The following FIP1L1 variants were observed in gnomAD, a reference collection of about 807,000 sequenced individuals.
FIP1L1 encodes factor interacting with PAPOLA and CPSF1, also known as pre-mRNA 3'-end-processing factor FIP1.
Under a neutral mutation model 84.6 loss-of-function variants are expected in FIP1L1, and 21 were observed. That is an observed-to-expected ratio of 0.25 (90% CI 0.18 to 0.36). FIP1L1 has a LOEUF of 0.36. FIP1L1 is among the 10% of genes least tolerant of loss of function. The probability of loss-of-function intolerance (pLI) is 1.00; values close to 1 mark genes in which losing one functional copy is unlikely to be tolerated. For synonymous variants in FIP1L1, 263 were observed against 242.3 expected (o/e 1.09, Z -0.80); for missense variants, 526 against 751.1 (o/e 0.70, Z 3.50).
chr4:53,460,858 T>C lies in FIP1L1; in HGVS notation c.*1409T>C. On this transcript the variant is annotated 3_prime_UTR_variant, in exon 18 of 18. Transcript: ENST00000337488. Reference sequence around the variant, plus strand: ...ACAAGATAAATATAGTGTTTCAACTTCTTAGCCTATTTGTGATTTTTCTGT... The same window carrying C: ...ACAAGATAAATATAGTGTTTCAACTCCTTAGCCTATTTGTGATTTTTCTGT... The C allele has an allele frequency of 6.5e-7, 1 of 1,527,490 alleles. No individual in the cohort carries two copies. Among genetic ancestry groups the C allele is most frequent in the East Asian group, 2.3e-5 (1 of 43,596 alleles). 94.6% of individuals were successfully genotyped at this position (1,527,490 alleles called of 1,614,324 possible).
chr4:53,408,325 C>T (rs1754981036), intron 10 of FIP1L1, among the ~76,000 whole-genome samples: 1 of 152,182 alleles, frequency 6.6e-6, no homozygotes. Flanking sequence ...TATTGGCCCC[C>T]ACTCTCTTCT....
At chr4:53,399,545 ACT>A (rs2149485292) in intron 9 of FIP1L1, among the ~76,000 whole-genome samples, 183 bp from the exon 10 acceptor site, 1 of 152,222 alleles carries the variant, frequency 6.6e-6, no homozygotes, top group African/African-American at 2.4e-5. Context: ...TTGATCCCAT[ACT>A]CTCTTTGGTG....
chr4:53,384,696 G>A (rs1243252997), intron 5 of FIP1L1, among the ~76,000 whole-genome samples: 5 of 152,124 alleles, frequency 3.3e-5, no homozygotes, highest in South Asian at 2.1e-4. Context: ...CTCATTGAGC[G>A]CATAAAGAAT....
chr4:53,384,438 A>T (rs1739813289), intron 5 of FIP1L1, among the ~76,000 whole-genome samples: 2 of 152,160 alleles, frequency 1.3e-5, no homozygotes, highest in Non-Finnish European at 2.9e-5. Flanking sequence ...AGTACTATAA[A>T]TTCTTTGATT....
chr4:53,379,018 A>G (rs1736315891), intron 1 of FIP1L1, 55 bp from the exon 2 acceptor site: 2 of 1,549,136 alleles, frequency 1.3e-6, no homozygotes, highest in African/African-American at 1.4e-5. Context: ...TTTTCCATAA[A>G]ATAAGTATCT....
At chr4:53,414,018 G>A (rs1303551569) in intron 10 of FIP1L1, among the ~76,000 whole-genome samples, 1 of 152,012 alleles carries the variant, frequency 6.6e-6, no homozygotes, top group Non-Finnish European at 1.5e-5. Context: ...CATCTTATTA[G>A]TTCTGTAAAG....
chr4:53,437,187 G>A (rs771660397), intron 13 of FIP1L1, among the ~76,000 whole-genome samples: 17 of 151,974 alleles, frequency 1.1e-4, no homozygotes, highest in Middle Eastern at 3.4e-3. Flanking sequence ...AATTAGCTGA[G>A]CATGGTGGTA....
intron 9 of FIP1L1, among the ~76,000 whole-genome samples, chr4:53,397,938 T>C (rs10022429): frequency 0.096 from 14,585 of 152,244 alleles, 1,227 homozygotes; most frequent in South Asian, 0.28. Flanking sequence ...AGAAGTTACA[T>C]AGAAATTACT....
At chr4:53,437,223 G>A (rs866094976) in intron 13 of FIP1L1, among the ~76,000 whole-genome samples, 14 of 150,752 alleles carry the variant, frequency 9.3e-5, no homozygotes, top group Middle Eastern at 3.4e-3. Context: ...AGCTACTTGG[G>A]AGGCTGAGGT....
rs116772878 is a variant in FIP1L1, at chr4:53,456,919, G to A, written c.1500-1734G>A. Among the ~76,000 whole-genome samples the A allele has an allele frequency of 9.4e-3, 1,435 of 152,154 alleles. 22 individuals are homozygous for A. Among genetic ancestry groups the A allele is most frequent in the African/African-American group, 0.033 (1,370 of 41,518 alleles). On this transcript the variant is annotated intron_variant, in intron 16 of 17. Coordinates refer to ENST00000337488, the MANE Select transcript of FIP1L1 (RefSeq NM_030917.4). ...AGAGTTAACAAATGACACATTATGAGATAATTGACTTTAACTATTTTTATG... is the reference window on the plus strand; with the variant it reads ...AGAGTTAACAAATGACACATTATGAAATAATTGACTTTAACTATTTTTATG...
intron 13 of FIP1L1, among the ~76,000 whole-genome samples, chr4:53,436,266 T>G (rs1769154994): frequency 6.6e-6 from 1 of 152,186 alleles, no homozygotes; most frequent in Admixed American, 6.5e-5. Flanking sequence ...CTTAGCTGGA[T>G]CCTCTGCTTT....
At chr4:53,416,571 C>T (rs1199761330) in intron 11 of FIP1L1, among the ~76,000 whole-genome samples, 1 of 152,216 alleles carries the variant, frequency 6.6e-6, no homozygotes, top group Non-Finnish European at 1.5e-5. Context: ...CCCAAATTCA[C>T]AGCTAGTTAA....
intron 11 of FIP1L1, among the ~76,000 whole-genome samples, chr4:53,423,679 C>G (rs990645292): frequency 6.6e-6 from 1 of 151,984 alleles, no homozygotes; most frequent in African/African-American, 2.4e-5. Context: ...TTAAAAAATA[C>G]GGGCACAAGG....
At chr4:53,433,780 A>G (rs1323444339) in intron 13 of FIP1L1, among the ~76,000 whole-genome samples, 1 of 152,206 alleles carries the variant, frequency 6.6e-6, no homozygotes, top group Non-Finnish European at 1.5e-5. Context: ...TCTAGATACC[A>G]GATGTGTAGG....
intron 6 of FIP1L1, 119 bp from the exon 7 acceptor site, chr4:53,390,402 T>C: frequency 3.4e-6 from 2 of 586,554 alleles, no homozygotes; most frequent in Non-Finnish European, 5.9e-6. Context: ...GTTTGTTTTC[T>C]GTTTGTGTGT....
At chr4:53,389,178 A>G (rs1205502498) in intron 5 of FIP1L1, among the ~76,000 whole-genome samples, 1 of 152,178 alleles carries the variant, frequency 6.6e-6, no homozygotes, top group Admixed American at 6.5e-5. Context: ...TTGTCAATAA[A>G]TTTCTGTTAT....
chr4:53,414,892 G>A (rs183475431), intron 11 of FIP1L1, among the ~76,000 whole-genome samples, 170 bp downstream of exon 11: 80 of 152,076 alleles, frequency 5.3e-4, no homozygotes, highest in Non-Finnish European at 7.9e-4. Flanking sequence ...TCAAAACCCA[G>A]CACTTGTCTT....
chr4:53,449,408 A>G (rs1775497785), intron 15 of FIP1L1, among the ~76,000 whole-genome samples: 1 of 152,254 alleles, frequency 6.6e-6, no homozygotes, highest in East Asian at 1.9e-4. Flanking sequence ...TAATGTGACA[A>G]ATTACATTGC....
At chr4:53,423,158 C>G (rs1408392816) in intron 11 of FIP1L1, among the ~76,000 whole-genome samples, 1 of 152,148 alleles carries the variant, frequency 6.6e-6, no homozygotes, top group African/African-American at 2.4e-5. Flanking sequence ...ATTGTAACTT[C>G]AGAGATATTT....
Sources: allele counts gnomAD v4.1 joint callset (sites outside exome capture counted in the v4.1 genomes callset), GRCh38; gene constraint gnomAD v4.1.1; transcripts MANE v1.5; gene names NCBI Gene and HGNC (gene_info 2026-07-23, HGNC 2026-07-21).